RASSF3: variants seen among roughly 807,000 people sequenced by gnomAD.
RASSF3 encodes ras association domain-containing protein 3.
RASSF3 carries 19 observed loss-of-function variants against 19.9 expected under a neutral mutation model. The ratio of observed to expected loss-of-function variants is 0.96; its 90% CI spans 0.67 to 1.40. The LOEUF (loss-of-function observed/expected upper bound fraction) is 1.40, where lower values mean the gene tolerates loss of function less well. Ranked by LOEUF, RASSF3 falls within the 40% of genes most tolerant of loss-of-function variation. The pLI is 0.00. For missense variants in RASSF3, 306 were observed against 289.8 expected (o/e 1.06, Z -0.41); for synonymous variants, 110 against 104.2 (o/e 1.06, Z -0.34).
At chr12:64,688,571 C>T (rs940644082) in intron 3 of RASSF3, 118 bp downstream of exon 3, 24 of 753,462 alleles carry the variant, frequency 3.2e-5, no homozygotes, top group Middle Eastern at 3.8e-4. Flanking sequence ...GCCTGGAGTC[C>T]GATGCTGGAA....
intron 2 of RASSF3, among the ~76,000 whole-genome samples, chr12:64,583,443 A>G (rs1036778195): frequency 6.6e-6 from 1 of 152,078 alleles, no homozygotes; most frequent in African/African-American, 2.4e-5. Flanking sequence ...CCAACATGGT[A>G]AAACTTCATC....
intron 4 of RASSF3, among the ~76,000 whole-genome samples, chr12:64,692,253 A>G (rs894630996): frequency 5.3e-5 from 8 of 152,086 alleles, no homozygotes; most frequent in African/African-American, 1.2e-4. Context: ...GGAACAGGAA[A>G]TGGTGTGAAA....
At chr12:64,680,684 G>T (rs555375751) in intron 1 of RASSF3, among the ~76,000 whole-genome samples, 1 of 151,940 alleles carries the variant, frequency 6.6e-6, no homozygotes, top group East Asian at 1.9e-4. Context: ...CGTGATCTCG[G>T]CTTACTGCGA....
chr12:64,672,328 C>T (rs1872727237), intron 1 of RASSF3, among the ~76,000 whole-genome samples: 1 of 152,092 alleles, frequency 6.6e-6, no homozygotes, highest in South Asian at 2.1e-4. Flanking sequence ...TGAGTTCAAG[C>T]GATTCTCCTG....
At chr12:64,628,316 C>T (rs1871059555) in intron 1 of RASSF3, 1 of 152,044 alleles carries the variant, frequency 6.6e-6, no homozygotes, top group Non-Finnish European at 1.5e-5. Flanking sequence ...AATAAGAGCC[C>T]ACCAGCAGTT....
At chr12:64,626,259 G>C (rs1382802182) in intron 1 of RASSF3, among the ~76,000 whole-genome samples, 2 of 152,098 alleles carry the variant, frequency 1.3e-5, no homozygotes, top group African/African-American at 4.8e-5. Context: ...TTTCTGCCGG[G>C]TGTGGTGGCT....
intron 1 of RASSF3, among the ~76,000 whole-genome samples, chr12:64,513,871 TTTTG>T (rs138001511): frequency 3.5e-4 from 53 of 151,504 alleles, no homozygotes; most frequent in Admixed American, 4.6e-4. Flanking sequence ...GAATTTAAGG[TTTTG>T]TTTGTTTGTT....
intron 1 of RASSF3, among the ~76,000 whole-genome samples, chr12:64,677,675 C>T (rs755012736): frequency 6.6e-6 from 1 of 152,220 alleles, no homozygotes; most frequent in Non-Finnish European, 1.5e-5. Context: ...TGGCTCTTCT[C>T]ATACATTTCA....
chr12:64,649,483 C>T (rs376119373), intron 1 of RASSF3, among the ~76,000 whole-genome samples: 2 of 152,142 alleles, frequency 1.3e-5, no homozygotes, highest in Non-Finnish European at 2.9e-5. Context: ...TGAGCCACTG[C>T]GCCTGGCCAG....
intron 1 of RASSF3, among the ~76,000 whole-genome samples, chr12:64,619,920 T>C (rs1479403481): frequency 6.8e-6 from 1 of 148,046 alleles, no homozygotes; most frequent in Non-Finnish European, 1.5e-5. Context: ...GTGGAGGTTG[T>C]GGTGAGCCGA....
intron 1 of RASSF3, among the ~76,000 whole-genome samples, chr12:64,522,265 G>A (rs1238962068): frequency 6.6e-6 from 1 of 151,358 alleles, no homozygotes; most frequent in Non-Finnish European, 1.5e-5. Context: ...TTTTTTTGAG[G>A]GCATATAAAA....
chr12:64,517,316 C>G (rs940316135), intron 1 of RASSF3, among the ~76,000 whole-genome samples: 2 of 151,834 alleles, frequency 1.3e-5, no homozygotes, highest in African/African-American at 4.8e-5. Flanking sequence ...CCTCCCCCCC[C>G]CCACTAAGCT....
At chr12:64,689,804 T>TTTTTTTTTTTTTTTTTTTGGTG (rs11272662) in intron 3 of RASSF3, among the ~76,000 whole-genome samples, 1 of 146,316 alleles carries the variant, frequency 6.8e-6, no homozygotes. Context: ...TTTTTTTTTT[T>TTTTTTTTTTTTTTTTTTTGGTG]GAGACGGAGT....
chr12:64,512,351 C>T (rs1279606641), intron 1 of RASSF3, among the ~76,000 whole-genome samples: 1 of 152,014 alleles, frequency 6.6e-6, no homozygotes, highest in Non-Finnish European at 1.5e-5. Context: ...GGCACAGTGG[C>T]GCATGCCTTT....
chr12:64,544,098 A>T (rs930691171), downstream of RASSF3, among the ~76,000 whole-genome samples: 2 of 152,098 alleles, frequency 1.3e-5, no homozygotes, highest in African/African-American at 4.8e-5. Flanking sequence ...CGTTCCGCAC[A>T]GTTCTTTAGG....
intron 1 of RASSF3, among the ~76,000 whole-genome samples, chr12:64,628,848 A>G (rs924764371): frequency 1.3e-5 from 2 of 152,284 alleles, no homozygotes; most frequent in African/African-American, 4.8e-5. Flanking sequence ...CAGCCTACAC[A>G]TAGAGGTAAA....
intron 1 of RASSF3, among the ~76,000 whole-genome samples, chr12:64,618,245 T>G (rs1254372858): frequency 6.6e-6 from 1 of 152,224 alleles, no homozygotes; most frequent in East Asian, 1.9e-4. Context: ...CTCCTGAGTA[T>G]TCCAGGTTTT....
intron 2 of RASSF3, among the ~76,000 whole-genome samples, chr12:64,554,012 G>C (rs902616793): frequency 4.7e-5 from 7 of 149,422 alleles, no homozygotes; most frequent in Admixed American, 1.3e-4. Context: ...AAAAAAAGTT[G>C]TCTGGGGCAT....
chr12:64,690,230 G>A (rs952863495), intron 3 of RASSF3, among the ~76,000 whole-genome samples: 1 of 151,934 alleles, frequency 6.6e-6, no homozygotes, highest in African/African-American at 2.4e-5. Flanking sequence ...TGCCCAGGCT[G>A]GTGTGCAGTG....
Sources: allele counts gnomAD v4.1 joint callset (sites outside exome capture counted in the v4.1 genomes callset), GRCh38; gene constraint gnomAD v4.1.1; transcripts MANE v1.5; gene names NCBI Gene and HGNC (gene_info 2026-07-23, HGNC 2026-07-21).